The following CHST12 variants were observed in gnomAD, a reference collection of about 807,000 sequenced individuals.
CHST12 encodes carbohydrate (chondroitin 4) sulfotransferase 12.
A neutral mutation model predicts 27.9 loss-of-function variants in CHST12; 23 were observed. The ratio of observed to expected loss-of-function variants is 0.82; its 90% CI spans 0.59 to 1.17. CHST12 has a LOEUF of 1.17. Among genes scored for constraint, CHST12 ranks in the 50% most tolerant of loss-of-function variants. The pLI is 0.00. For synonymous variants in CHST12, 322 were observed against 273.0 expected, an observed-to-expected ratio of 1.18 and a Z score of -1.77; for missense variants, 682 against 603.0, an observed-to-expected ratio of 1.13 and a Z score of -1.37.
In CHST12 at chr7:2,439,029, G is replaced by C. The variant is rs1175554940; in HGVS notation, c.*5145G>C. On this transcript the variant is annotated 3_prime_UTR_variant, in exon 2 of 2. Coordinates refer to ENST00000618655, the MANE Select transcript of CHST12 (RefSeq NM_018641.5). The stretch of plus-strand genomic sequence containing the variant: ...GGAAGGGCCACCAGATCGGGGGCCG[G>C]GCCGGGGTGAGCACCTGAAGCCGGC... The C allele has an allele frequency of 6.6e-6, 1 of 152,266 alleles. No individual in the cohort carries two copies. The highest frequency in any genetic ancestry group is 2.4e-5 in the African/African-American group (1 of 41,466). The allele number at this position is 152,266 out of a possible 1,614,324, so 9.4% of individuals were successfully genotyped here.
intron 1 of CHST12, among the ~76,000 whole-genome samples, chr7:2,423,397 A>T (rs1782026538): frequency 6.6e-6 from 1 of 152,154 alleles, no homozygotes; most frequent in Non-Finnish European, 1.5e-5. Flanking sequence ...ACACACTGGG[A>T]GGGCAGGTGA....
At chr7:2,423,281 T>TA (rs1490098398) in intron 1 of CHST12, among the ~76,000 whole-genome samples, 1 of 150,816 alleles carries the variant, frequency 6.6e-6, no homozygotes, top group Non-Finnish European at 1.5e-5. Context: ...TCAAAAAAAA[T>TA]AAAAAAAAGT....
Position 2,442,393 on chromosome 7 carries a change from T to C in CHST12, c.*8509T>C, listed in dbSNP as rs1170766670. 6.6e-6 allele frequency: 1 copy of C among 152,316 alleles called. No homozygotes were observed. The highest frequency in any genetic ancestry group is 1.5e-5 in the Non-Finnish European group (1 of 68,124). 9.4% of individuals were successfully genotyped at this position (152,316 alleles called of 1,614,324 possible). A position where few individuals can be genotyped will look rare whatever the true frequency, so the allele number is the denominator to read the frequency against. On this transcript the variant is annotated 3_prime_UTR_variant, in exon 2 of 2. Transcript: ENST00000618655. ...TGCTGTTTTCTTTTGAGACGGAGTC[T>C]CGCTCTGTCTCCCAGGCTGGAGTGC...
rs1782439903 is a variant in CHST12 at position 2,435,059 on chromosome 7, TAAG to T, written c.*1178_*1180del. 1 of 151,458 alleles carries T rather than the reference TAAG, an allele frequency of 6.6e-6. No homozygotes were observed. Among genetic ancestry groups the T allele is most frequent in the Non-Finnish European group, 1.5e-5 (1 of 67,944 alleles). 9.4% of individuals were successfully genotyped at this position (151,458 alleles called of 1,614,324 possible). On this transcript the variant is annotated 3_prime_UTR_variant, in exon 2 of 2. Transcript: ENST00000618655. Reference sequence around the variant, plus strand: ...AGCGAGACCCTGTGTCTACAAAAAATAAGAAAATCAGCCGGACATGATGGTGCA... The same window carrying T: ...AGCGAGACCCTGTGTCTACAAAAAATAAAATCAGCCGGACATGATGGTGCA...
At chr7:2,406,115 A>AC (rs1318435785) in intron 1 of CHST12, among the ~76,000 whole-genome samples, 1 of 152,090 alleles carries the variant, frequency 6.6e-6, no homozygotes, top group African/African-American at 2.4e-5. Context: ...ATTTAAAAAA[A>AC]CCGTACATCT....
chr7:2,414,130 G>A (rs1781742753), intron 1 of CHST12, among the ~76,000 whole-genome samples: 1 of 152,050 alleles, frequency 6.6e-6, no homozygotes, highest in Non-Finnish European at 1.5e-5. Flanking sequence ...TGAAACGTCT[G>A]TTCAAATTTT....
rs1782354008 is a variant in CHST12 at position 2,433,303 on chromosome 7, C to A, written c.664C>A (p.Arg222Ser). The A allele has an allele frequency of 1.9e-6, 3 of 1,612,474 alleles. No homozygotes were observed. Among genetic ancestry groups the A allele is most frequent in the Non-Finnish European group, 2.5e-6 (3 of 1,179,324 alleles). ...AHLTFNKFWRRYGKLSRHLMK... is the reference protein window; with the variant it reads ...AHLTFNKFWRSYGKLSRHLMK... ...CCTGACCTTCAACAAGTTCTGGCGC[C>A]GCTACGGGAAGCTCTCCCGCCACCT... The change falls in exon 2 of 2, where the codon CGC becomes AGC. Residue 222 changes from arginine (R) to serine (S), a missense_variant. Transcript: ENST00000618655. The surrounding 1 kb of genome is among the most constrained non-coding windows in gnomAD (Gnocchi z 6.1).
At chr7:2,406,889 T>C (rs1454273385) in intron 1 of CHST12, among the ~76,000 whole-genome samples, 1 of 151,928 alleles carries the variant, frequency 6.6e-6, no homozygotes, top group Non-Finnish European at 1.5e-5. Context: ...CCAGAGAGCG[T>C]GCAGGAAGGA....
intron 1 of CHST12, among the ~76,000 whole-genome samples, chr7:2,421,090 CT>C (rs1781961000): frequency 6.6e-6 from 1 of 151,914 alleles, no homozygotes; most frequent in South Asian, 2.1e-4. Flanking sequence ...CAGAGTCTCA[CT>C]CTGTTCCCCA....
chr7:2,418,607 C>T (rs1781873967), intron 1 of CHST12, among the ~76,000 whole-genome samples: 1 of 152,090 alleles, frequency 6.6e-6, no homozygotes, highest in South Asian at 2.1e-4. Context: ...TCAGTGTTGC[C>T]CATGATGTGT....
intron 1 of CHST12, among the ~76,000 whole-genome samples, chr7:2,419,940 C>CATACAAGT (rs1359108769): frequency 6.8e-6 from 1 of 146,972 alleles, no homozygotes; most frequent in Non-Finnish European, 1.5e-5. Context: ...CTGGGAACCT[C>CATACAAGT]ATACAAGTAG....
intron 1 of CHST12, among the ~76,000 whole-genome samples, chr7:2,412,750 T>C (rs536351405): frequency 6.6e-6 from 1 of 152,338 alleles, no homozygotes; most frequent in South Asian, 2.1e-4. Flanking sequence ...TATGTAGACT[T>C]GTGCAAGTCT....
At chr7:2,417,259 C>G (rs951400249) in intron 1 of CHST12, among the ~76,000 whole-genome samples, 15 of 149,086 alleles carry the variant, frequency 1.0e-4, no homozygotes, top group African/African-American at 2.7e-4. Flanking sequence ...GAGTCTTGCT[C>G]TGTTGGCCAG....
chr7:2,410,826 G>C (rs1781645783), intron 1 of CHST12, among the ~76,000 whole-genome samples: 1 of 152,050 alleles, frequency 6.6e-6, no homozygotes, highest in Non-Finnish European at 1.5e-5. Flanking sequence ...TGGAGTCCTG[G>C]TCACGGGCCA....
intron 1 of CHST12, among the ~76,000 whole-genome samples, chr7:2,425,492 G>T (rs1782092206): frequency 6.6e-6 from 1 of 152,190 alleles, no homozygotes; most frequent in African/African-American, 2.4e-5. Flanking sequence ...GAAAGAGATA[G>T]GATCTGGCCT....
rs1260190374 is a variant in CHST12 at position 2,444,247 on chromosome 7, G to A, written c.*10363G>A. The A allele has an allele frequency of 1.5e-5, 2 of 135,036 alleles. No individual in the cohort carries two copies. The highest frequency in any genetic ancestry group is 5.8e-5 in the African/African-American group (2 of 34,566). 8.4% of individuals were successfully genotyped at this position (135,036 alleles called of 1,614,324 possible). Reference sequence around the variant, plus strand: ...TGCAGTGAGCCGAGATCCCGCCACTGCACTCCAGCCTGGGCGACAGAGCGA... The same window carrying A: ...TGCAGTGAGCCGAGATCCCGCCACTACACTCCAGCCTGGGCGACAGAGCGA... On this transcript the variant is annotated 3_prime_UTR_variant, in exon 2 of 2. Coordinates refer to ENST00000618655, the MANE Select transcript of CHST12 (RefSeq NM_018641.5).
rs571213292 is a variant in CHST12 at position 2,440,607 on chromosome 7, G to C, written c.*6723G>C. 1.4e-4 allele frequency: 22 copies of C among 152,386 alleles called. No individual in the cohort carries two copies. Among genetic ancestry groups the C allele is most frequent in the African/African-American group, 4.6e-4 (19 of 41,558 alleles). The allele number at this position is 152,386 out of a possible 1,614,324, so 9.4% of individuals were successfully genotyped here. The stretch of plus-strand genomic sequence containing the variant: ...AAGACAGAGTGGGCCTGTAGGGCCA[G>C]CCCGAGGTACCCACAGTGGAGGGTC... On this transcript the variant is annotated 3_prime_UTR_variant, in exon 2 of 2. Transcript: ENST00000618655.
intron 1 of CHST12, among the ~76,000 whole-genome samples, chr7:2,407,165 G>C (rs934665762): frequency 1.3e-5 from 2 of 152,170 alleles, no homozygotes; most frequent in Non-Finnish European, 2.9e-5. Flanking sequence ...GAAACGGAAA[G>C]GATCAGATCA....
At chr7:2,419,401 CAAA>C (rs35870806) in intron 1 of CHST12, among the ~76,000 whole-genome samples, 88,433 of 113,034 alleles carry the variant, frequency 0.78, 34,099 homozygotes, top group East Asian at 0.93. Flanking sequence ...ACCCTGTCTC[CAAA>C]AAAAAAAAAA....
Sources: allele counts gnomAD v4.1 joint callset (sites outside exome capture counted in the v4.1 genomes callset), GRCh38; gene constraint gnomAD v4.1.1; non-coding constraint Gnocchi (gnomAD v3.1); transcripts MANE v1.5; gene names NCBI Gene and HGNC (gene_info 2026-07-23, HGNC 2026-07-21).